Variants in CNTN6 observed in about 807,000 individuals in gnomAD.
CNTN6 encodes the protein contactin-6.
CNTN6 carries 137 observed loss-of-function variants against 122.8 expected under a neutral mutation model. The ratio of observed to expected loss-of-function variants is 1.12; its 90% CI spans 0.97 to 1.29. The LOEUF (loss-of-function observed/expected upper bound fraction) is 1.29, where lower values mean the gene tolerates loss of function less well. Ranked by LOEUF, CNTN6 falls within the 50% of genes most tolerant of loss-of-function variation. The probability of loss-of-function intolerance (pLI) is 0.00; values close to 1 mark genes in which losing one functional copy is unlikely to be tolerated. For missense variants in CNTN6, 1,634 were observed against 1,223.4 expected (o/e 1.34, Z -5.01); for synonymous variants, 570 against 426.0 (o/e 1.34, Z -4.16).
intron 13 of CNTN6, 136 bp downstream of exon 13, chr3:1,372,610 TGTTTTG>T (rs1200677895): frequency 1.2e-6 from 1 of 836,486 alleles, no homozygotes; most frequent in Non-Finnish European, 1.8e-6. Flanking sequence ...CATTTGTTTT[TGTTTTG>T]GTTTATTTTG....
rs917667736 is a variant in CNTN6 at position 1,321,191 on chromosome 3, A to T, written c.762-459A>T. ...TATATTTTTGCCTTAGAAACTATAA[A>T]TATATATATAAAGCCTGCCTAGTCT... On this transcript the variant is annotated intron_variant, in intron 7 of 22. Coordinates refer to ENST00000446702, the MANE Select transcript of CNTN6 (RefSeq NM_001289080.2). Among the ~76,000 whole-genome samples, 2 of 151,674 alleles carry T rather than the reference A, an allele frequency of 1.3e-5. 1 individual carries two copies. Among genetic ancestry groups the T allele is most frequent in the Non-Finnish European group, 2.9e-5 (2 of 67,824 alleles).
At chr3:1,200,985 GAC>G (rs2093858109) in intron 2 of CNTN6, among the ~76,000 whole-genome samples, 1 of 143,332 alleles carries the variant, frequency 7.0e-6, no homozygotes, top group Non-Finnish European at 1.5e-5. Flanking sequence ...GGAGTACTGT[GAC>G]ACAATCTAGG....
At chr3:1,236,957 T>C (rs2094430469) in intron 4 of CNTN6, among the ~76,000 whole-genome samples, 4 of 151,770 alleles carry the variant, frequency 2.6e-5, no homozygotes, top group African/African-American at 9.7e-5. Context: ...GGTGGGCGCC[T>C]GTAGTGCCAG....
chr3:1,195,706 A>T (rs1042441430), intron 2 of CNTN6, among the ~76,000 whole-genome samples: 11 of 152,148 alleles, frequency 7.2e-5, no homozygotes, highest in Non-Finnish European at 1.6e-4. Context: ...AGTGTCTCCA[A>T]ACATTTTCAG....
chr3:1,205,716 A>G (rs941702996), intron 2 of CNTN6, among the ~76,000 whole-genome samples: 3 of 152,232 alleles, frequency 2.0e-5, no homozygotes, highest in African/African-American at 7.2e-5. Context: ...TCACTGATCA[A>G]TGAAGGGACC....
intron 1 of CNTN6, among the ~76,000 whole-genome samples, chr3:1,114,588 C>T (rs1478997438): frequency 1.3e-5 from 2 of 151,972 alleles, no homozygotes; most frequent in Admixed American, 1.3e-4. Flanking sequence ...TGTCAAAGAT[C>T]ATGATAAATG....
rs1228599310 is a variant in CNTN6 at position 1,388,287 on chromosome 3, C to T, written c.2704+2490C>T. On this transcript the variant is annotated intron_variant, in intron 20 of 22. Coordinates refer to ENST00000446702, the MANE Select transcript of CNTN6 (RefSeq NM_001289080.2). ...CCGAGCAGCCTAACTGGGAGGCACC[C>T]CCCAGCAGGGGCACACTGACACCTC... 5.3e-4 allele frequency among the ~76,000 whole-genome samples: 79 copies of T among 148,228 alleles called. 2 individuals carry two copies. The highest frequency in any genetic ancestry group is 9.3e-4 in the Non-Finnish European group (62 of 66,652).
At chr3:1,289,856 G>T (rs973944603) in intron 5 of CNTN6, among the ~76,000 whole-genome samples, 11 of 151,040 alleles carry the variant, frequency 7.3e-5, no homozygotes, top group African/African-American at 2.7e-4. Context: ...TTGTGTTTTT[G>T]GTAGAGACGG....
At chr3:1,143,001 T>C (rs1216616936) in intron 1 of CNTN6, among the ~76,000 whole-genome samples, 7 of 131,542 alleles carry the variant, frequency 5.3e-5, no homozygotes, top group Non-Finnish European at 1.6e-5. Flanking sequence ...TATATATATA[T>C]ATGTATATGC....
In CNTN6 at chr3:1,105,151, C is replaced by A. The variant is rs1365290307; in HGVS notation, c.-83+12031C>A. ...CTGTACTTGCAGGCAGGTGAGTGCTCTTTGTGACCATCCTTGTTAATACTA... is the reference window on the plus strand; with the variant it reads ...CTGTACTTGCAGGCAGGTGAGTGCTATTTGTGACCATCCTTGTTAATACTA... On this transcript the variant is annotated intron_variant, in intron 1 of 22. Coordinates refer to ENST00000446702, the MANE Select transcript of CNTN6 (RefSeq NM_001289080.2). 2.0e-5 allele frequency among the ~76,000 whole-genome samples: 3 copies of A among 152,086 alleles called. No individual in the cohort carries two copies. In the East Asian group the frequency reaches 5.8e-4, roughly 29 times the overall value.
At chr3:1,377,356 A>G (rs1181363906) in intron 17 of CNTN6, among the ~76,000 whole-genome samples, 2 of 152,096 alleles carry the variant, frequency 1.3e-5, no homozygotes. Flanking sequence ...TCGCTTGATG[A>G]ATTAGGCATT....
At chr3:1,153,758 G>A (rs147492886) in intron 2 of CNTN6, among the ~76,000 whole-genome samples, 8 of 152,154 alleles carry the variant, frequency 5.3e-5, no homozygotes, top group Non-Finnish European at 1.0e-4. Context: ...GAGAAAACCA[G>A]AAGAATGAAA....
At chr3:1,102,042 T>C (rs1422313349) in intron 1 of CNTN6, among the ~76,000 whole-genome samples, 2 of 152,214 alleles carry the variant, frequency 1.3e-5, no homozygotes, top group Non-Finnish European at 2.9e-5. Flanking sequence ...AGTCTTCTTT[T>C]AAGGCGGGAA....
chr3:1,168,526 C>G (rs978308623), intron 2 of CNTN6, among the ~76,000 whole-genome samples: 1 of 151,332 alleles, frequency 6.6e-6, no homozygotes, highest in African/African-American at 2.4e-5. Flanking sequence ...ACTGACTAAA[C>G]AAGAGACGAG....
chr3:1,262,100 CTT>C (rs2094855080), intron 4 of CNTN6, among the ~76,000 whole-genome samples: 1 of 152,112 alleles, frequency 6.6e-6, no homozygotes, highest in African/African-American at 2.4e-5. Context: ...TTCTGCCTGT[CTT>C]ATAAATAAGC....
intron 4 of CNTN6, among the ~76,000 whole-genome samples, chr3:1,238,924 C>G (rs1323542823): frequency 1.3e-5 from 2 of 151,982 alleles, no homozygotes; most frequent in African/African-American, 4.8e-5. Flanking sequence ...GAGAGAAGAT[C>G]CAAATAAACT....
chr3:1,379,167 G>A (rs1710299571), intron 17 of CNTN6, among the ~76,000 whole-genome samples: 1 of 142,320 alleles, frequency 7.0e-6, no homozygotes, highest in Non-Finnish European at 1.5e-5. Context: ...TTCTTAAATA[G>A]AGATGAGCAT....
intron 1 of CNTN6, among the ~76,000 whole-genome samples, chr3:1,128,601 G>C (rs17492588): frequency 0.018 from 2,773 of 152,088 alleles, 46 homozygotes; most frequent in South Asian, 0.071. Context: ...AGCCTGGAGT[G>C]ATGGGATCAT....
rs202021626 is a variant in CNTN6 at position 1,125,992 on chromosome 3, TTC to T, written c.-82-21929_-82-21928del. On this transcript the variant is annotated intron_variant, in intron 1 of 22. Transcript: ENST00000446702. ...ATTTCACAGGATTTTTCAAATTGTA[TTC>T]TCTCTTTCCACCGTTAACTATACCC... Among the ~76,000 whole-genome samples, 735 of 152,032 alleles carry T rather than the reference TTC, an allele frequency of 4.8e-3. 9 individuals carry two copies. The highest frequency in any genetic ancestry group is 0.017 in the African/African-American group (711 of 41,530).
Sources: allele counts gnomAD v4.1 joint callset (sites outside exome capture counted in the v4.1 genomes callset), GRCh38; gene constraint gnomAD v4.1.1; transcripts MANE v1.5; gene names NCBI Gene and HGNC (gene_info 2026-07-23, HGNC 2026-07-21).